The following CDH13 variants were observed in gnomAD, a reference collection of about 807,000 sequenced individuals.
CDH13 encodes cadherin-13.
In CDH13, 24 loss-of-function variants were observed where a neutral mutation model predicts 63.8. The observed-to-expected ratio is 0.38, with a 90% CI of 0.27 to 0.53. CDH13 has a LOEUF of 0.53. Ranked by LOEUF, CDH13 falls within the 20% of genes least tolerant of loss-of-function variation. The probability of loss-of-function intolerance (pLI) is 0.85; values close to 1 mark genes in which losing one functional copy is unlikely to be tolerated. For missense variants in CDH13, 1,049 were observed against 903.1 expected, an observed-to-expected ratio of 1.16 and a Z score of -2.07; for synonymous variants, 503 against 355.3, an observed-to-expected ratio of 1.42 and a Z score of -4.67.
chr16:82,703,013 C>G (rs915075020), intron 1 of CDH13, among the ~76,000 whole-genome samples: 12 of 152,130 alleles, frequency 7.9e-5, no homozygotes, highest in Non-Finnish European at 1.8e-4. Flanking sequence ...CAGCACACAG[C>G]CAGTGAGTGC....
chr16:82,782,063 T>C (rs1390931066), intron 1 of CDH13, among the ~76,000 whole-genome samples: 2 of 152,182 alleles, frequency 1.3e-5, no homozygotes, highest in Non-Finnish European at 2.9e-5. Context: ...CTGATGAATA[T>C]TCAGACTTGA....
chr16:83,514,018 AT>A (rs1211863247), intron 7 of CDH13, among the ~76,000 whole-genome samples: 6 of 152,340 alleles, frequency 3.9e-5, no homozygotes, highest in African/African-American at 1.2e-4. Context: ...AGCTGAAAGA[AT>A]TGAAAGTAAA....
At chr16:82,797,254 T>G (rs1312346184) in intron 1 of CDH13, among the ~76,000 whole-genome samples, 1 of 152,234 alleles carries the variant, frequency 6.6e-6, no homozygotes, top group East Asian at 1.9e-4. Flanking sequence ...TGTGATTTGC[T>G]ATAACCCAGC....
intron 8 of CDH13, among the ~76,000 whole-genome samples, chr16:83,615,302 C>T: frequency 6.6e-6 from 1 of 152,110 alleles, no homozygotes; most frequent in East Asian, 2.0e-4. Context: ...CTGCTTGCTC[C>T]AAAGAGATTA....
intron 10 of CDH13, among the ~76,000 whole-genome samples, chr16:83,679,384 T>C (rs539139487): frequency 6.0e-4 from 92 of 152,330 alleles, no homozygotes; most frequent in Non-Finnish European, 9.3e-4. Flanking sequence ...AATCAAGTAT[T>C]GGACACACTT....
chr16:83,404,500 G>A (rs777170411), intron 6 of CDH13, among the ~76,000 whole-genome samples: 10 of 152,310 alleles, frequency 6.6e-5, no homozygotes, highest in Non-Finnish European at 1.0e-4. Flanking sequence ...AATACTTAGA[G>A]CCCACAAGAA....
At chr16:83,217,534 A>C (rs771942450) in intron 5 of CDH13, 37 bp downstream of exon 5, 28 of 1,588,902 alleles carry the variant, frequency 1.8e-5, no homozygotes, top group Non-Finnish European at 2.2e-5. Flanking sequence ...CTGTGCGCAG[A>C]AATGTGGCTT....
At chr16:82,783,749 T>G (rs2035874162) in intron 1 of CDH13, among the ~76,000 whole-genome samples, 2 of 152,086 alleles carry the variant, frequency 1.3e-5, no homozygotes, top group East Asian at 3.9e-4. Flanking sequence ...TCTCCACACC[T>G]AGGATTTGAT....
At position 83,111,502 on chromosome 16, in the gene CDH13, T is replaced by A. The variant is rs117327793; in HGVS notation, c.367-13883T>A. ...TGTCTGAGGATTTGCAAGTCGATCATGAGGTTGCAGCATACATCACATGGG... is the reference window on the plus strand; with the variant it reads ...TGTCTGAGGATTTGCAAGTCGATCAAGAGGTTGCAGCATACATCACATGGG... On this transcript the variant is annotated intron_variant, in intron 3 of 13. Coordinates refer to ENST00000567109, the MANE Select transcript of CDH13 (RefSeq NM_001257.5). 4.6e-3 allele frequency among the ~76,000 whole-genome samples: 705 copies of A among 152,322 alleles called. 4 individuals carry two copies. The highest frequency in any genetic ancestry group is 0.017 in the Middle Eastern group (5 of 294).
intron 1 of CDH13, among the ~76,000 whole-genome samples, chr16:82,665,748 C>G (rs746583141): frequency 7.9e-5 from 12 of 151,954 alleles, no homozygotes; most frequent in Non-Finnish European, 1.5e-4. Context: ...TGAACTGACA[C>G]CCTGTAAATT....
chr16:83,779,405 T>TAAAAAAAAAAAAAA lies in CDH13; in HGVS notation c.1682-563_1682-562insAAAAAAAAAAAAAA, dbSNP rs1174439191. 6.8e-4 allele frequency among the ~76,000 whole-genome samples: 46 copies of TAAAAAAAAAAAAAA among 67,806 alleles called. 18 individuals carry two copies. The highest frequency in any genetic ancestry group is 1.3e-3 in the African/African-American group (20 of 15,958). 44.5% of individuals were successfully genotyped at this position (67,806 alleles called of 152,430 possible). On this transcript the variant is annotated intron_variant, in intron 11 of 13. Transcript: ENST00000567109. Reference sequence around the variant, plus strand: ...CCGGGCGACAGCGCGAGACTCCATCTCAAAAAAAAAAAAAAAAAAAAAAAA... The same window carrying TAAAAAAAAAAAAAA: ...CCGGGCGACAGCGCGAGACTCCATCTAAAAAAAAAAAAAACAAAAAAAAAAAAAAAAAAAAAAAA...
At chr16:83,442,335 G>A (rs944219622) in intron 6 of CDH13, among the ~76,000 whole-genome samples, 4 of 152,150 alleles carry the variant, frequency 2.6e-5, no homozygotes, top group African/African-American at 9.7e-5. Context: ...ATTTATCCAA[G>A]GACCTCCACA....
intron 10 of CDH13, among the ~76,000 whole-genome samples, chr16:83,693,559 G>A (rs1905096180): frequency 1.3e-5 from 2 of 152,150 alleles, no homozygotes; most frequent in South Asian, 4.2e-4. Context: ...AAATCCAAGG[G>A]AGCAGATAGG....
intron 6 of CDH13, among the ~76,000 whole-genome samples, chr16:83,457,976 AC>A (rs1216856260): frequency 6.6e-6 from 1 of 152,220 alleles, no homozygotes; most frequent in Non-Finnish European, 1.5e-5. Context: ...CTGAGCAGAA[AC>A]AAAAGAGGGT....
rs141314586 is a variant in CDH13 at position 82,665,678 on chromosome 16, C to T, written c.45+38541C>T. 9.2e-3 allele frequency among the ~76,000 whole-genome samples: 1,397 copies of T among 152,152 alleles called. 17 individuals are homozygous for T. Among genetic ancestry groups the T allele is most frequent in the African/African-American group, 0.027 (1,114 of 41,524 alleles). On this transcript the variant is annotated intron_variant, in intron 1 of 13. Transcript: ENST00000567109. ...CTTCCTCAACTATGTCATGCCTCAA[C>T]TCTGCTTGGACTCTGCCCAACTCCA...
At chr16:82,666,949 C>T (rs141635445) in intron 1 of CDH13, among the ~76,000 whole-genome samples, 298 of 152,212 alleles carry the variant, frequency 2.0e-3, no homozygotes, top group African/African-American at 6.9e-3. Flanking sequence ...AGTTTCTGCC[C>T]CTGAGATGAG....
At chr16:82,903,532 ATC>A (rs1379094912) in intron 2 of CDH13, among the ~76,000 whole-genome samples, 2 of 152,064 alleles carry the variant, frequency 1.3e-5, no homozygotes, top group Non-Finnish European at 2.9e-5. Flanking sequence ...CCCTGCCATT[ATC>A]TTTCTCTGAC....
At chr16:83,105,298 C>G (rs1301390303) in intron 3 of CDH13, among the ~76,000 whole-genome samples, 1 of 152,212 alleles carries the variant, frequency 6.6e-6, no homozygotes, top group African/African-American at 2.4e-5. Context: ...AAGTCAAACG[C>G]TGTTTTTCTC....
At chr16:83,781,785 G>T (rs541217356) in intron 12 of CDH13, among the ~76,000 whole-genome samples, 21 of 151,538 alleles carry the variant, frequency 1.4e-4, no homozygotes, top group South Asian at 1.3e-3. Flanking sequence ...GCGTGCAGAG[G>T]GGGGTGAGCA....
Sources: allele counts gnomAD v4.1 joint callset (sites outside exome capture counted in the v4.1 genomes callset), GRCh38; gene constraint gnomAD v4.1.1; transcripts MANE v1.5; gene names NCBI Gene and HGNC (gene_info 2026-07-23, HGNC 2026-07-21).